The following UGT2B4 variants were observed in gnomAD, a reference collection of about 807,000 sequenced individuals.
UGT2B4 encodes the protein UDP-glucuronosyltransferase 2B4.
UGT2B4 carries 49 observed loss-of-function variants against 49.8 expected under a neutral mutation model. The ratio of observed to expected loss-of-function variants is 0.98; its 90% confidence interval spans 0.78 to 1.25. The LOEUF is 1.25. Ranked by LOEUF, UGT2B4 falls within the 50% of genes most tolerant of loss-of-function variation. The probability of loss-of-function intolerance (pLI) is 0.00; values close to 1 mark genes in which losing one functional copy is unlikely to be tolerated. For synonymous variants in UGT2B4, 246 were observed against 217.7 expected, an observed-to-expected ratio of 1.13 and a Z score of -1.14; for missense variants, 729 against 627.7, an observed-to-expected ratio of 1.16 and a Z score of -1.73.
intron 1 of UGT2B4, among the ~76,000 whole-genome samples, chr4:69,524,513 A>G (rs1417792522): frequency 2.0e-5 from 3 of 151,892 alleles, no homozygotes; most frequent in Non-Finnish European, 2.9e-5. Context: ...ACAAACAATT[A>G]CAATAGTAAT....
chr4:69,499,511 G>A (rs1376790755), upstream of UGT2B4, among the ~76,000 whole-genome samples: 1 of 152,174 alleles, frequency 6.6e-6, no homozygotes, highest in African/African-American at 2.4e-5. Flanking sequence ...CTCTTTGTAA[G>A]TCTCTAAGAA....
At chr4:69,485,504 AC>A in intron 4 of UGT2B4, 77 bp from the exon 5 acceptor site, 1 of 1,579,218 alleles carries the variant, frequency 6.3e-7, no homozygotes, top group Admixed American at 1.7e-5. Context: ...TCTGAATGTG[AC>A]GGTGTTTCCT....
At chr4:69,524,620 T>G (rs889805709) in intron 1 of UGT2B4, among the ~76,000 whole-genome samples, 4 of 152,080 alleles carry the variant, frequency 2.6e-5, no homozygotes, top group African/African-American at 9.7e-5. Context: ...CACAAAGATA[T>G]AAATTGATGA....
At chr4:69,480,999 G>A (rs939943159) in intron 5 of UGT2B4, 89 bp from the exon 6 acceptor site, 10 of 1,459,386 alleles carry the variant, frequency 6.9e-6, no homozygotes, top group African/African-American at 4.3e-5. Flanking sequence ...AGCAGTTTCC[G>A]AGGTCGAGGC....
At chr4:69,482,403 A>G (rs1341168817) in intron 5 of UGT2B4, among the ~76,000 whole-genome samples, 1 of 152,210 alleles carries the variant, frequency 6.6e-6, no homozygotes, top group East Asian at 1.9e-4. Context: ...AGGTAAGATC[A>G]TCTTAAACAT....
At chr4:69,516,019 A>C (rs575051977) in intron 1 of UGT2B4, among the ~76,000 whole-genome samples, 132 of 152,108 alleles carry the variant, frequency 8.7e-4, no homozygotes, top group Non-Finnish European at 1.5e-3. Flanking sequence ...TTCAGGTCCC[A>C]GTGTGTGTTG....
rs573249777 is a variant in UGT2B4 at position 69,489,036 on chromosome 4, G to T, written c.1002+403C>A. On this transcript the variant is annotated intron_variant, in intron 3 of 5. Coordinates refer to ENST00000305107, the MANE Select transcript of UGT2B4 (RefSeq NM_021139.3). ...TTGAAATACCTGCTATTGTTATTGT[G>T]CTAGTGAAGTTACTCATTAAAATGT... Among the ~76,000 whole-genome samples, 85 of 152,198 alleles carry T rather than the reference G, an allele frequency of 5.6e-4. No individual in the cohort carries two copies. The Middle Eastern group carries it at 0.024, about 43-fold the overall frequency.
chr4:69,512,459 T>C (rs1285200452), intron 1 of UGT2B4, among the ~76,000 whole-genome samples: 1 of 152,180 alleles, frequency 6.6e-6, no homozygotes, highest in Non-Finnish European at 1.5e-5. Flanking sequence ...ATTCTACTTT[T>C]ATTTCCACTA....
chr4:69,489,641 T>C (rs958751600), intron 2 of UGT2B4, 71 bp from the exon 3 acceptor site: 13 of 1,536,174 alleles, frequency 8.5e-6, no homozygotes, highest in African/African-American at 5.6e-5. Context: ...AGAATTGTTA[T>C]AAAAAGAGAG....
At chr4:69,490,763 C>T (rs1257352832) in intron 2 of UGT2B4, among the ~76,000 whole-genome samples, 13 of 152,040 alleles carry the variant, frequency 8.6e-5, no homozygotes, top group Admixed American at 6.6e-4. Context: ...AGTCATTGTT[C>T]TGCTATTCAA....
intron 1 of UGT2B4, among the ~76,000 whole-genome samples, chr4:69,505,585 C>A (rs983188408): frequency 6.6e-6 from 1 of 152,108 alleles, no homozygotes; most frequent in Non-Finnish European, 1.5e-5. Context: ...TACAGACCTG[C>A]AAAGAGACTT....
intron 1 of UGT2B4, among the ~76,000 whole-genome samples, chr4:69,505,409 A>G (rs1031929688): frequency 1.3e-5 from 2 of 152,202 alleles, no homozygotes; most frequent in African/African-American, 2.4e-5. Flanking sequence ...ACAGAAAAAA[A>G]CCATATATTT....
At chr4:69,496,626 C>G (rs548983162), upstream of UGT2B4, among the ~76,000 whole-genome samples, 1 of 152,264 alleles carries the variant, frequency 6.6e-6, no homozygotes, top group East Asian at 1.9e-4. Context: ...TTAGAGAACT[C>G]TTATCTCCTA....
chr4:69,516,202 C>T (rs943391938), intron 1 of UGT2B4, among the ~76,000 whole-genome samples: 3 of 152,188 alleles, frequency 2.0e-5, no homozygotes, highest in Non-Finnish European at 1.5e-5. Context: ...ACACGGTATT[C>T]CATGGTGTAT....
At chr4:69,501,013 CAA>C (rs898495084) in intron 1 of UGT2B4, among the ~76,000 whole-genome samples, 5 of 152,062 alleles carry the variant, frequency 3.3e-5, no homozygotes, top group Non-Finnish European at 7.4e-5. Context: ...ATATTCCTAG[CAA>C]AGAGGTTGAA....
chr4:69,500,877 G>T (rs535395175), upstream of UGT2B4, among the ~76,000 whole-genome samples: 16 of 152,278 alleles, frequency 1.1e-4, no homozygotes, highest in South Asian at 3.1e-3. Context: ...AGAGCTACAT[G>T]GAGTTTAGGC....
intron 2 of UGT2B4, among the ~76,000 whole-genome samples, chr4:69,489,952 G>A (rs1051435591): frequency 6.6e-6 from 1 of 152,116 alleles, no homozygotes; most frequent in Non-Finnish European, 1.5e-5. Flanking sequence ...AATCACATAT[G>A]CTTATTTTAG....
intron 4 of UGT2B4, among the ~76,000 whole-genome samples, chr4:69,486,361 A>G (rs1163262665): frequency 6.6e-6 from 1 of 152,158 alleles, no homozygotes; most frequent in African/African-American, 2.4e-5. Flanking sequence ...TGCCAGAAAA[A>G]TTCTGTGGGA....
chr4:69,510,153 T>C (rs1329866116), intron 1 of UGT2B4, among the ~76,000 whole-genome samples: 1 of 152,176 alleles, frequency 6.6e-6, no homozygotes, highest in African/African-American at 2.4e-5. Flanking sequence ...TGAAGATCAG[T>C]TGACTGTATA....
Sources: allele counts gnomAD v4.1 joint callset (sites outside exome capture counted in the v4.1 genomes callset), GRCh38; gene constraint gnomAD v4.1.1; transcripts MANE v1.5; gene names NCBI Gene and HGNC (gene_info 2026-07-23, HGNC 2026-07-21).